PCDH15: variants seen among roughly 807,000 people sequenced by gnomAD.
PCDH15 encodes the protein protocadherin related 15, also known as protocadherin-15.
Under a neutral mutation model 178.5 loss-of-function variants are expected in PCDH15, and 129 were observed. The ratio of observed to expected loss-of-function variants is 0.72; its 90% CI spans 0.63 to 0.84. PCDH15 has a LOEUF of 0.84. Ranked by LOEUF, PCDH15 falls within the 40% of genes least tolerant of loss-of-function variation. PCDH15 has a pLI of 0.00. For synonymous variants in PCDH15, 800 were observed against 732.0 expected (o/e 1.09, Z -1.50); for missense variants, 2,230 against 2,099.9 (o/e 1.06, Z -1.21).
intron 2 of PCDH15, among the ~76,000 whole-genome samples, chr10:55,144,408 C>T (rs970029883): frequency 6.6e-6 from 1 of 152,100 alleles, no homozygotes; most frequent in Non-Finnish European, 1.5e-5. Context: ...GGCTTTCTTG[C>T]TGCCTTGATA....
chr10:55,615,504 A>G (rs557382186), intron 2 of PCDH15, among the ~76,000 whole-genome samples: 2 of 152,300 alleles, frequency 1.3e-5, no homozygotes, highest in East Asian at 1.9e-4. Flanking sequence ...ATGCAAATAT[A>G]TATATTGTAT....
chr10:55,319,432 G>C (rs1843825731), intron 1 of PCDH15, among the ~76,000 whole-genome samples: 1 of 152,024 alleles, frequency 6.6e-6, no homozygotes, highest in African/African-American at 2.4e-5. Flanking sequence ...AAATAGATAG[G>C]GCTAACTAGA....
chr10:54,813,601 A>G (rs1952901225), intron 3 of PCDH15, among the ~76,000 whole-genome samples: 1 of 152,116 alleles, frequency 6.6e-6, no homozygotes, highest in African/African-American at 2.4e-5. Flanking sequence ...ACAGTTAATC[A>G]TACCTCATAA....
At chr10:55,156,991 G>C (rs1355755787) in intron 2 of PCDH15, among the ~76,000 whole-genome samples, 4 of 152,116 alleles carry the variant, frequency 2.6e-5, no homozygotes, top group Admixed American at 6.6e-5. Flanking sequence ...TTGCCTGAAG[G>C]CTGAAAGGAA....
At chr10:55,532,964 T>A (rs1841486365) in intron 2 of PCDH15, among the ~76,000 whole-genome samples, 1 of 152,086 alleles carries the variant, frequency 6.6e-6, no homozygotes, top group Admixed American at 6.6e-5. Context: ...CTTTGACATT[T>A]CTTTACAGTT....
intron 26 of PCDH15, among the ~76,000 whole-genome samples, chr10:53,877,280 T>C (rs16937807): frequency 0.075 from 11,410 of 152,158 alleles, 1,211 homozygotes; most frequent in African/African-American, 0.23. Context: ...TAAAATAAAC[T>C]CTGAGCTAAT....
intron 3 of PCDH15, among the ~76,000 whole-genome samples, chr10:54,439,350 C>A (rs1180000356): frequency 2.6e-5 from 4 of 151,906 alleles, no homozygotes; most frequent in African/African-American, 9.7e-5. Context: ...TATTGGGAAG[C>A]TTCATTAATA....
At chr10:54,469,559 C>T (rs910805142) in intron 3 of PCDH15, among the ~76,000 whole-genome samples, 1 of 149,504 alleles carries the variant, frequency 6.7e-6, no homozygotes, top group African/African-American at 2.6e-5. Flanking sequence ...ACAGGGCCAT[C>T]AGGTGGGCCA....
intron 2 of PCDH15, among the ~76,000 whole-genome samples, chr10:54,563,415 C>T (rs185806648): frequency 4.6e-4 from 70 of 152,128 alleles, no homozygotes; most frequent in Admixed American, 3.1e-3. Context: ...CTGGACTTGC[C>T]GGGTATCACT....
In PCDH15 at chr10:54,505,468, G is replaced by A. The variant is rs1174931787; in HGVS notation, c.157+22344C>T. Among the ~76,000 whole-genome samples, 3 of 152,052 alleles carry A rather than the reference G, an allele frequency of 2.0e-5. No individual in the cohort carries two copies. The East Asian group carries it at 5.8e-4, about 29-fold the overall frequency. ...ACATGTCCCCCTTCAAGTTCTATCT[G>A]CTTTGGACATCCAAATACAATTCAA... On this transcript the variant is annotated intron_variant, in intron 3 of 37. Coordinates refer to ENST00000644397, the MANE Select transcript of PCDH15 (RefSeq NM_001384140.1).
At chr10:53,973,540 T>G (rs1470930836) in intron 21 of PCDH15, among the ~76,000 whole-genome samples, 2 of 152,218 alleles carry the variant, frequency 1.3e-5, no homozygotes, top group Non-Finnish European at 2.9e-5. Context: ...AAAATTGCTT[T>G]AATATGAACA....
Position 53,911,399 on chromosome 10 carries a change from C to T in PCDH15, c.3374-8029G>A, listed in dbSNP as rs540688103. ...AAATGAAGGCAGAAATAAAGATGTTCTTTGAAACCAATGAGAACAAAGACA... is the reference window on the plus strand; with the variant it reads ...AAATGAAGGCAGAAATAAAGATGTTTTTTGAAACCAATGAGAACAAAGACA... On this transcript the variant is annotated intron_variant, in intron 25 of 37. Coordinates refer to ENST00000644397, the MANE Select transcript of PCDH15 (RefSeq NM_001384140.1). Among the ~76,000 whole-genome samples, 6 of 152,274 alleles carry T rather than the reference C, an allele frequency of 3.9e-5. No individual in the cohort carries two copies. The East Asian group carries it at 5.8e-4, about 15-fold the overall frequency.
intron 18 of PCDH15, among the ~76,000 whole-genome samples, chr10:54,058,939 C>T (rs576299989): frequency 4.4e-4 from 67 of 152,198 alleles, no homozygotes; most frequent in African/African-American, 1.4e-3. Flanking sequence ...GATGATCCAC[C>T]CGCCTCGGCC....
At chr10:55,588,682 A>G (rs1458243848) in intron 2 of PCDH15, among the ~76,000 whole-genome samples, 1 of 143,516 alleles carries the variant, frequency 7.0e-6, no homozygotes, top group Non-Finnish European at 1.5e-5. Flanking sequence ...TCATTTCTGA[A>G]AAAAAAAATT....
chr10:53,838,395 T>C (rs2077438422), intron 29 of PCDH15, among the ~76,000 whole-genome samples: 1 of 152,188 alleles, frequency 6.6e-6, no homozygotes. Flanking sequence ...GAAAAACTTA[T>C]TTAGAATTAA....
In PCDH15 at chr10:54,023,072, C is replaced by A; in HGVS notation, c.2346G>T (p.Arg782Ser). ...YTAVKLNREV[R>S]DYYELVVVAT... ...CCACAACAACAAGTTCATAGTAGTC[C>A]CTGACTTCTCTGTTAAGCTTCACTG... The change falls in exon 19 of 38, where the codon AGG (arginine) becomes AGT (serine). Residue 782 changes from arginine (R) to serine (S), a missense_variant. Physicochemically the swap from Arg to Ser is moderately radical, Grantham distance 110. Coordinates refer to ENST00000644397, the MANE Select transcript of PCDH15 (RefSeq NM_001384140.1). 1 of 1,613,862 alleles carries A rather than the reference C, an allele frequency of 6.2e-7. No individual in the cohort carries two copies. The highest frequency in any genetic ancestry group is 1.3e-5 in the African/African-American group (1 of 74,978).
At chr10:55,494,027 G>T (rs992436225) in intron 2 of PCDH15, among the ~76,000 whole-genome samples, 1 of 151,674 alleles carries the variant, frequency 6.6e-6, no homozygotes, top group Non-Finnish European at 1.5e-5. Context: ...TTGTTTTATG[G>T]TCTAACACAT....
At chr10:54,600,452 A>C in intron 2 of PCDH15, 1 of 579,414 alleles carries the variant, frequency 1.7e-6, no homozygotes, top group Non-Finnish European at 3.4e-6. Context: ...AGCCCAGCAG[A>C]TGAAAAGAAG....
chr10:54,318,085 A>C (rs1280287136), intron 7 of PCDH15, among the ~76,000 whole-genome samples: 1 of 152,104 alleles, frequency 6.6e-6, no homozygotes. Context: ...CTGAGGTGTT[A>C]ATCTTTTATA....
Sources: gnomAD v4.1 joint callset for allele counts (sites outside exome capture counted in the v4.1 genomes callset) on GRCh38, gnomAD v4.1.1 for gene constraint, MANE v1.5 for transcripts, NCBI Gene and HGNC (gene_info 2026-07-23, HGNC 2026-07-21) for gene names.